ZFAND2A: variants seen among roughly 807,000 people sequenced by gnomAD.
ZFAND2A encodes the protein AN1-type zinc finger protein 2A.
In ZFAND2A, 20 loss-of-function variants were observed where a neutral mutation model predicts 11.6. That is an observed-to-expected ratio of 1.72 (90% CI 1.21 to 2.50). The LOEUF (loss-of-function observed/expected upper bound fraction) is 2.50. ZFAND2A is among the 30% of genes most tolerant of loss of function. The pLI is 0.00. For missense variants in ZFAND2A, 234 were observed against 182.9 expected, an observed-to-expected ratio of 1.28 and a Z score of -1.61; for synonymous variants, 93 against 60.6, an observed-to-expected ratio of 1.54 and a Z score of -2.48.
Position 1,158,203 on chromosome 7 carries a change from G to C in ZFAND2A, c.10C>G (p.Pro4Ala). Residue 4 changes from proline to alanine, a missense_variant, in exon 2 of 5, where the codon CCT becomes GCT. Coordinates refer to ENST00000316495, the MANE Select transcript of ZFAND2A (RefSeq NM_182491.4). MEF[P>A]DLGKHCSEKT... ...TCTGAACAATGCTTCCCCAAATCAG[G>C]AAACTCCATTATGAGAACAGTGCTC... 6.2e-7 allele frequency: 1 copy of C among 1,614,044 alleles called. No homozygotes were observed. The highest frequency in any genetic ancestry group is 1.1e-5 in the South Asian group (1 of 91,048).
intron 1 of ZFAND2A, among the ~76,000 whole-genome samples, chr7:1,159,233 TTTG>T (rs1793613393): frequency 1.3e-5 from 2 of 152,172 alleles, no homozygotes; most frequent in Admixed American, 6.5e-5. Context: ...CCGAAATTGT[TTTG>T]TTCAAGGAAT....
Position 1,153,129 on chromosome 7 carries a change from G to A in ZFAND2A, c.378C>T (p.His126=), listed in dbSNP as rs887671131. ...TGCAGCTGTGGTCCAAAGGGTGTCTGTGCTGGATACAGAAGTTGCCGTGAC... is the reference window on the plus strand; with the variant it reads ...TGCAGCTGTGGTCCAAAGGGTGTCTATGCTGGATACAGAAGTTGCCGTGAC... ...AQCHGNFCIQ[H]RHPLDHSCRH... Residue 126 remains histidine, a synonymous_variant, in exon 5 of 5, where the codon CAC becomes CAT. Transcript: ENST00000316495. The A allele has an allele frequency of 6.8e-6, 11 of 1,614,208 alleles. No homozygotes were observed. Among genetic ancestry groups the A allele is most frequent in the Middle Eastern group, 1.6e-4 (1 of 6,062 alleles).
In ZFAND2A at chr7:1,160,038, C is replaced by T. The variant is rs920989648; in HGVS notation, c.-120G>A. On this transcript the variant is annotated 5_prime_UTR_variant, in exon 1 of 5. Transcript: ENST00000316495. Reference sequence around the variant, plus strand: ...AGACGTAAACTCAGGTGTCCTCCTCCGTAGTCGGCTCCGGGTAGCTAAGCA... The same window carrying T: ...AGACGTAAACTCAGGTGTCCTCCTCTGTAGTCGGCTCCGGGTAGCTAAGCA... 6.5e-6 allele frequency: 1 copy of T among 153,796 alleles called. No individual in the cohort carries two copies. The highest frequency in any genetic ancestry group is 1.5e-5 in the Non-Finnish European group (1 of 68,604). The allele number at this position is 153,796 out of a possible 1,614,324, so 9.5% of individuals were successfully genotyped here.
intron 1 of ZFAND2A, among the ~76,000 whole-genome samples, chr7:1,159,471 C>G (rs62431998): frequency 0.14 from 18,736 of 134,962 alleles, 2,565 homozygotes; most frequent in Non-Finnish European, 0.18. Context: ...GCAGACAGGC[C>G]GGACCCCCAG....
Position 1,157,529 on chromosome 7 carries a change from G to C in ZFAND2A, c.150+127C>G, listed in dbSNP as rs1001466414. Reference sequence around the variant, plus strand: ...CACCTGAAACGAGGCTAGTGGGACTGAAAAACTGGATTTTAAAATTTAATT... The same window carrying C: ...CACCTGAAACGAGGCTAGTGGGACTCAAAAACTGGATTTTAAAATTTAATT... On this transcript the variant is annotated intron_variant, in intron 3 of 4. Coordinates refer to ENST00000316495, the MANE Select transcript of ZFAND2A (RefSeq NM_182491.4). The C allele has an allele frequency of 4.0e-6, 4 of 989,136 alleles. No individual in the cohort carries two copies. In the African/African-American group the frequency reaches 6.8e-5, roughly 17 times the overall value. 61.3% of individuals were successfully genotyped at this position (989,136 alleles called of 1,614,324 possible).
rs1420011598 is a variant in ZFAND2A, at chr7:1,158,739, G to A, written c.-45-482C>T. 3.9e-5 allele frequency among the ~76,000 whole-genome samples: 6 copies of A among 152,326 alleles called. No homozygotes were observed. In the South Asian group the frequency reaches 1.0e-3, roughly 26 times the overall value. ...TCTTACTGTGAACTTATTCCTCGATGACATCAACCTGGAGTTGATCAGGGA... is the reference window on the plus strand; with the variant it reads ...TCTTACTGTGAACTTATTCCTCGATAACATCAACCTGGAGTTGATCAGGGA... On this transcript the variant is annotated intron_variant, in intron 1 of 4. Transcript: ENST00000316495.
Position 1,155,599 on chromosome 7 carries a change from G to A in ZFAND2A, c.151-15C>T, listed in dbSNP as rs187145157. The stretch of plus-strand genomic sequence containing the variant: ...ACGTGAACATCCTAAAAATAACAAA[G>A]GTAAGATGGCATCTGAGACTCATGC... On this transcript the variant is annotated splice_polypyrimidine_tract_variant and intron_variant, in intron 3 of 4. Coordinates refer to ENST00000316495, the MANE Select transcript of ZFAND2A (RefSeq NM_182491.4). The A allele has an allele frequency of 1.0e-3, 1,625 of 1,610,080 alleles. 31 individuals carry two copies. In the Admixed American group the frequency reaches 0.025, roughly 25 times the overall value.
chr7:1,152,774 G>A (rs1044375313), downstream of ZFAND2A: 1 of 525,964 alleles, frequency 1.9e-6, no homozygotes, highest in Non-Finnish European at 3.5e-6. Flanking sequence ...CCCTCAGAAG[G>A]GGCTGGCCCT....
At position 1,157,769 on chromosome 7, in the gene ZFAND2A, G is replaced by A. The variant is rs547921179; in HGVS notation, c.56-19C>T. The A allele has an allele frequency of 3.5e-5, 54 of 1,523,290 alleles. No individual in the cohort carries two copies. The South Asian group carries it at 6.0e-4, about 17-fold the overall frequency. 94.4% of individuals were successfully genotyped at this position (1,523,290 alleles called of 1,614,324 possible). ...AGAAAATCTAAAAAACAAAAAACAGGGAAGTGTTTTAACGACTGGAACAAA... is the reference window on the plus strand; with the variant it reads ...AGAAAATCTAAAAAACAAAAAACAGAGAAGTGTTTTAACGACTGGAACAAA... On this transcript the variant is annotated intron_variant, in intron 2 of 4. Transcript: ENST00000316495.
rs1301066129 is a variant in ZFAND2A, at chr7:1,152,977, T to C, written c.*92A>G. The C allele has an allele frequency of 1.3e-6, 2 of 1,509,000 alleles. No individual in the cohort carries two copies. The highest frequency in any genetic ancestry group is 3.7e-5 in the Admixed American group (2 of 53,790). 93.5% of individuals were successfully genotyped at this position (1,509,000 alleles called of 1,614,324 possible). Reference sequence around the variant, plus strand: ...AACAAGATCAGCAGCCAGTGTGGGATGGTGCTCAATGGGGCTCCACTTCCC... The same window carrying C: ...AACAAGATCAGCAGCCAGTGTGGGACGGTGCTCAATGGGGCTCCACTTCCC... On this transcript the variant is annotated 3_prime_UTR_variant, in exon 5 of 5. Coordinates refer to ENST00000316495, the MANE Select transcript of ZFAND2A (RefSeq NM_182491.4).
At chr7:1,154,560 G>A (rs1315428365) in intron 4 of ZFAND2A, among the ~76,000 whole-genome samples, 2 of 152,200 alleles carry the variant, frequency 1.3e-5, no homozygotes, top group East Asian at 1.9e-4. Context: ...GAGACCTCCA[G>A]AGGCTGAGGG....
chr7:1,150,689 A>AG (rs1181201879), downstream of ZFAND2A, among the ~76,000 whole-genome samples: 1 of 152,054 alleles, frequency 6.6e-6, no homozygotes, highest in African/African-American at 2.4e-5. Context: ...TATAAAACCC[A>AG]GTCTCCTGTA....
chr7:1,157,554 T>C, intron 3 of ZFAND2A, 102 bp downstream of exon 3: 1 of 1,195,840 alleles, frequency 8.4e-7, no homozygotes, highest in South Asian at 1.5e-5. Flanking sequence ...AAAATTTAAT[T>C]TTCAATGAGT....
downstream of ZFAND2A, chr7:1,152,823 G>A: frequency 1.6e-6 from 1 of 639,932 alleles, no homozygotes; most frequent in South Asian, 1.8e-5. Context: ...CCCCAGAACT[G>A]TGAAAGAACC....
chr7:1,149,438 G>A (rs1793358273), downstream of ZFAND2A, among the ~76,000 whole-genome samples: 1 of 152,202 alleles, frequency 6.6e-6, no homozygotes, highest in Non-Finnish European at 1.5e-5. Context: ...ACAGAACCAG[G>A]GCCTCGGGGT....
At chr7:1,157,867 C>G in intron 2 of ZFAND2A, 117 bp from the exon 3 acceptor site, 1 of 798,342 alleles carries the variant, frequency 1.3e-6, no homozygotes, top group South Asian at 1.8e-5. Context: ...GACAGGTCCT[C>G]GAGGGCCACA....
chr7:1,152,685 T>G (rs1257293424), downstream of ZFAND2A, among the ~76,000 whole-genome samples: 1 of 151,896 alleles, frequency 6.6e-6, no homozygotes, highest in Admixed American at 6.6e-5. Flanking sequence ...GAATGCCATG[T>G]GAAGATGAAG....
At chr7:1,157,445 T>C in intron 3 of ZFAND2A, 2 of 439,552 alleles carry the variant, frequency 4.6e-6, no homozygotes, top group Non-Finnish European at 8.1e-6. Flanking sequence ...TGTCTGAGAG[T>C]CATCCAACAG....
At chr7:1,153,597 C>T (rs1793451485) in intron 4 of ZFAND2A, among the ~76,000 whole-genome samples, 1 of 152,190 alleles carries the variant, frequency 6.6e-6, no homozygotes, top group African/African-American at 2.4e-5. Context: ...GACACAGTTC[C>T]TGTCTGCACA....
Sources: allele counts gnomAD v4.1 joint callset (sites outside exome capture counted in the v4.1 genomes callset), GRCh38; gene constraint gnomAD v4.1.1; transcripts MANE v1.5; gene names NCBI Gene and HGNC (gene_info 2026-07-23, HGNC 2026-07-21).